The following CDH18 variants were observed in gnomAD, a reference collection of about 807,000 sequenced individuals.
CDH18 encodes the protein cadherin-18.
A neutral mutation model predicts 67.9 loss-of-function variants in CDH18; 31 were observed. The observed-to-expected ratio is 0.46, with a 90% CI of 0.34 to 0.62. The LOEUF (loss-of-function observed/expected upper bound fraction) is 0.62, where lower values mean the gene tolerates loss of function less well. Ranked by LOEUF, CDH18 falls within the 20% of genes least tolerant of loss-of-function variation. CDH18 has a pLI of 0.01. For missense variants in CDH18, 890 were observed against 975.5 expected (o/e 0.91, Z 1.17); for synonymous variants, 362 against 347.2 (o/e 1.04, Z -0.48).
At chr5:19,826,521 G>A (rs1008321745) in intron 3 of CDH18, among the ~76,000 whole-genome samples, 1 of 152,170 alleles carries the variant, frequency 6.6e-6, no homozygotes, top group African/African-American at 2.4e-5. Context: ...CAGGCTAACA[G>A]TGAACATTTC....
chr5:19,500,817 T>C lies in CDH18; in HGVS notation c.1630+2175A>G, dbSNP rs931064669. 5.3e-5 allele frequency among the ~76,000 whole-genome samples: 8 copies of C among 152,188 alleles called. No individual in the cohort carries two copies. In the East Asian group the frequency reaches 1.5e-3, roughly 29 times the overall value. On this transcript the variant is annotated intron_variant, in intron 11 of 12. Coordinates refer to ENST00000382275, the MANE Select transcript of CDH18 (RefSeq NM_004934.5). ...CTAGTAATGTTGTCAAATCATTTAATTAAGACATTTCAAATATAATGGGTA... is the reference window on the plus strand; with the variant it reads ...CTAGTAATGTTGTCAAATCATTTAACTAAGACATTTCAAATATAATGGGTA...
intron 3 of CDH18, among the ~76,000 whole-genome samples, chr5:19,801,463 T>C (rs780177044): frequency 9.9e-5 from 15 of 152,220 alleles, no homozygotes; most frequent in Non-Finnish European, 2.2e-4. Context: ...CAATTCAGTA[T>C]AATTTCAGTA....
At chr5:19,936,708 C>T (rs1794311083) in intron 2 of CDH18, among the ~76,000 whole-genome samples, 1 of 150,872 alleles carries the variant, frequency 6.6e-6, no homozygotes, top group African/African-American at 2.4e-5. Context: ...GAATATATTT[C>T]TTGAAGTTTT....
chr5:20,305,209 C>G, intron 1 of CDH18: 2 of 1,387,954 alleles, frequency 1.4e-6, no homozygotes, highest in Non-Finnish European at 2.1e-6. Flanking sequence ...CAAAGGCTTC[C>G]CTCCAGCACC....
chr5:20,083,170 C>A (rs1325859060), intron 2 of CDH18, among the ~76,000 whole-genome samples: 1 of 152,058 alleles, frequency 6.6e-6, no homozygotes, highest in Non-Finnish European at 1.5e-5. Flanking sequence ...TAAATGGGCA[C>A]TTAGAGATAG....
At chr5:19,732,932 G>A (rs1767811230) in intron 4 of CDH18, among the ~76,000 whole-genome samples, 2 of 152,272 alleles carry the variant, frequency 1.3e-5, no homozygotes, top group South Asian at 4.2e-4. Flanking sequence ...AGCCTCTGAT[G>A]ATAGCTCCCT....
intron 2 of CDH18, among the ~76,000 whole-genome samples, chr5:19,950,988 G>A (rs1001890242): frequency 6.6e-6 from 1 of 152,086 alleles, no homozygotes; most frequent in Non-Finnish European, 1.5e-5. Context: ...TTGGTTCAAT[G>A]GCAGTGATTG....
At chr5:20,466,484 T>A (rs1377086319) in intron 1 of CDH18, among the ~76,000 whole-genome samples, 1 of 152,104 alleles carries the variant, frequency 6.6e-6, no homozygotes, top group Non-Finnish European at 1.5e-5. Context: ...ATGTCTCAGA[T>A]AATGTTTACA....
chr5:19,958,567 T>C (rs959077950), intron 2 of CDH18, among the ~76,000 whole-genome samples: 5 of 151,874 alleles, frequency 3.3e-5, no homozygotes, highest in African/African-American at 1.2e-4. Context: ...TGATAGGCAC[T>C]AAGCAGTATT....
intron 1 of CDH18, among the ~76,000 whole-genome samples, chr5:20,568,592 A>G (rs998492259): frequency 6.7e-6 from 1 of 150,360 alleles, no homozygotes; most frequent in African/African-American, 2.5e-5. Context: ...GAATGTCAAG[A>G]GTGGGCATTT....
intron 2 of CDH18, among the ~76,000 whole-genome samples, chr5:19,894,013 G>T (rs1342870363): frequency 6.6e-6 from 1 of 151,894 alleles, no homozygotes; most frequent in African/African-American, 2.4e-5. Context: ...TGCTTTTCTT[G>T]CATTTTAAAA....
intron 2 of CDH18, among the ~76,000 whole-genome samples, chr5:19,934,688 G>A (rs1794048096): frequency 6.6e-6 from 1 of 151,464 alleles, no homozygotes; most frequent in South Asian, 2.1e-4. Flanking sequence ...AGGGGTCTTA[G>A]TTAACTCCCT....
At chr5:19,862,332 T>G (rs1178123681) in intron 2 of CDH18, among the ~76,000 whole-genome samples, 2 of 151,634 alleles carry the variant, frequency 1.3e-5, no homozygotes, top group African/African-American at 2.4e-5. Flanking sequence ...TATATTTTAT[T>G]ATCTCAAAAA....
chr5:20,356,657 G>A (rs1291343521), intron 1 of CDH18, among the ~76,000 whole-genome samples: 3 of 150,898 alleles, frequency 2.0e-5, no homozygotes, highest in African/African-American at 4.9e-5. Context: ...AGCATATTAA[G>A]AGAACAGAGC....
chr5:20,141,989 A>T (rs1164746471), intron 2 of CDH18, among the ~76,000 whole-genome samples: 1 of 151,970 alleles, frequency 6.6e-6, no homozygotes, highest in Non-Finnish European at 1.5e-5. Context: ...AAATTTTTTG[A>T]GGAATTTTTC....
intron 5 of CDH18, among the ~76,000 whole-genome samples, chr5:19,681,939 C>A (rs534553715): frequency 1.3e-5 from 2 of 152,016 alleles, no homozygotes; most frequent in South Asian, 4.1e-4. Context: ...TAAGTCTTTG[C>A]TCTTATACTC....
At chr5:20,034,309 C>A (rs1321986445) in intron 2 of CDH18, among the ~76,000 whole-genome samples, 4 of 151,958 alleles carry the variant, frequency 2.6e-5, no homozygotes, top group Admixed American at 1.3e-4. Flanking sequence ...CTTTTTCACA[C>A]CCCCTGTTTA....
At chr5:20,028,130 G>T (rs1033539442) in intron 2 of CDH18, among the ~76,000 whole-genome samples, 1 of 149,794 alleles carries the variant, frequency 6.7e-6, no homozygotes, top group Non-Finnish European at 1.5e-5. Context: ...ACATAATTGC[G>T]GTGTTTGTCA....
At chr5:20,224,174 G>A (rs1741433210) in intron 2 of CDH18, among the ~76,000 whole-genome samples, 1 of 151,964 alleles carries the variant, frequency 6.6e-6, no homozygotes, top group Non-Finnish European at 1.5e-5. Context: ...TTACTATTTT[G>A]AACGTATAAA....
Sources: gnomAD v4.1 joint callset for allele counts (sites outside exome capture counted in the v4.1 genomes callset) on GRCh38, gnomAD v4.1.1 for gene constraint, MANE v1.5 for transcripts, NCBI Gene and HGNC (gene_info 2026-07-23, HGNC 2026-07-21) for gene names.